The following TMED9 variants were observed in gnomAD, a reference collection of about 807,000 sequenced individuals.
TMED9 encodes transmembrane p24 trafficking protein 9.
Under a neutral mutation model 30.6 loss-of-function variants are expected in TMED9, and 22 were observed. The ratio of observed to expected loss-of-function variants is 0.72; its 90% confidence interval spans 0.51 to 1.03. The LOEUF (loss-of-function observed/expected upper bound fraction) is 1.03. TMED9 is among the 50% of genes least tolerant of loss of function. The pLI is 0.00. For missense variants in TMED9, 251 were observed against 302.1 expected (o/e 0.83, Z 1.25); for synonymous variants, 146 against 122.8 (o/e 1.19, Z -1.25).
rs1426507649 is a variant in TMED9, at chr5:177,593,706, C to T, written c.342C>T (p.Thr114=). ...GCAGGTTCACTTTCACTTCCCATAC[C>T]CCTGGTGAGCACCAGATCTGTCTTC... The part of the protein sequence containing the change: ...SEGRFTFTSH[T]PGEHQICLHS... Residue 114 remains threonine, a synonymous_variant, in exon 3 of 5, where the codon ACC becomes ACT. Coordinates refer to ENST00000332598, the MANE Select transcript of TMED9 (RefSeq NM_017510.6). 10 of 1,614,082 alleles carry T rather than the reference C, an allele frequency of 6.2e-6. No homozygotes were observed. Among genetic ancestry groups the T allele is most frequent in the East Asian group, 2.2e-5 (1 of 44,892 alleles).
rs764945863 is a variant in TMED9 at position 177,592,350 on chromosome 5, G to A, written c.136G>A (p.Glu46Lys). 6 of 1,605,486 alleles carry A rather than the reference G, an allele frequency of 3.7e-6. No homozygotes were observed. Among genetic ancestry groups the A allele is most frequent in the Admixed American group, 3.4e-5 (2 of 58,536 alleles). The stretch of plus-strand genomic sequence containing the variant: ...GCTCTACTTTCACATCGGAGAGACG[G>A]AGAAGAAGTGCTTTATTGAGGAGAT... ...SALYFHIGET[E>K]KKCFIEEIPD... is the part of the protein sequence containing the mutation. Residue 46 changes from glutamate to lysine, a missense_variant, in exon 1 of 5, where the codon GAG becomes AAG. Physicochemically the swap from Glu to Lys is moderately conservative, Grantham distance 56. Transcript: ENST00000332598.
intron 2 of TMED9, chr5:177,593,362 C>A: frequency 3.3e-6 from 1 of 298,806 alleles, no homozygotes; most frequent in Non-Finnish European, 6.2e-6. Context: ...CAAAAAACAA[C>A]TCACACCAAA....
chr5:177,592,205 G>A lies in TMED9; in HGVS notation c.-10G>A. ...CGGCCGGCTGCGGCTGCGCAGGCAG[G>A]TGGAGCAAGATGGCTGTGGAGCTGG... On this transcript the variant is annotated 5_prime_UTR_variant, in exon 1 of 5. It adds an upstream start codon to the 5' untranslated region. Transcript: ENST00000332598. The A allele has an allele frequency of 6.3e-7, 1 of 1,587,016 alleles. No homozygotes were observed. Among genetic ancestry groups the A allele is most frequent in the Non-Finnish European group, 8.6e-7 (1 of 1,169,172 alleles).
Position 177,592,262 on chromosome 5 carries a change from C to T in TMED9, c.48C>T (p.Thr16=). 6.2e-7 allele frequency: 1 copy of T among 1,611,618 alleles called. No individual in the cohort carries two copies. Among genetic ancestry groups the T allele is most frequent in the East Asian group, 2.2e-5 (1 of 44,748 alleles). Residue 16 remains threonine, a synonymous_variant, in exon 1 of 5, where the codon ACC becomes ACT. Transcript: ENST00000332598. ...GVLLVRPRPG[T]GLGRVMRTLL... ...TGCTCGTCCGGCCCCGGCCCGGAAC[C>T]GGGCTGGGTAGAGTGATGCGGACCC...
Position 177,592,289 on chromosome 5 carries a change from CCTG to C in TMED9, c.79_81del (p.Leu27del). 6.2e-7 allele frequency: 1 copy of C among 1,611,780 alleles called. No individual in the cohort carries two copies. The highest frequency in any genetic ancestry group is 8.5e-7 in the Non-Finnish European group (1 of 1,179,080). On this transcript the variant is annotated inframe_deletion, in exon 1 of 5. Transcript: ENST00000332598. ...GGCTGGGTAGAGTGATGCGGACCCT[CCTG>C]CTGGTGCTGTGGCTGGCGACGCGCG...
chr5:177,595,232 C>A, intron 4 of TMED9, 35 bp from the exon 5 acceptor site: 1 of 1,503,660 alleles, frequency 6.7e-7, no homozygotes, highest in South Asian at 1.3e-5. Flanking sequence ...CTAGCAGCCC[C>A]AGCCAACTCA....
At position 177,592,283 on chromosome 5, in the gene TMED9, GA is replaced by G; in HGVS notation, c.70del (p.Thr24ProfsTer38). ...PGTGLGRVMRTLLLVLWLATR... is the reference protein window; with the variant it reads ...PGTGLGRVMRXLLLVLWLATR... The stretch of plus-strand genomic sequence containing the variant: ...GAACCGGGCTGGGTAGAGTGATGCG[GA>G]CCCTCCTGCTGGTGCTGTGGCTGGC... On this transcript the variant is annotated frameshift_variant, in exon 1 of 5. Coordinates refer to ENST00000332598, the MANE Select transcript of TMED9 (RefSeq NM_017510.6). LOFTEE classifies it high-confidence loss of function. 6.2e-7 allele frequency: 1 copy of G among 1,611,852 alleles called. No homozygotes were observed. The highest frequency in any genetic ancestry group is 2.2e-5 in the East Asian group (1 of 44,822).
rs1049906261 is a variant in TMED9 at position 177,596,623 on chromosome 5, G to GT, written c.*1210dup. Among the ~76,000 whole-genome samples, 4 of 152,204 alleles carry GT rather than the reference G, an allele frequency of 2.6e-5. No individual in the cohort carries two copies. Among genetic ancestry groups the GT allele is most frequent in the African/African-American group, 9.7e-5 (4 of 41,432 alleles). ...ACAGCTGGAATGGAGGTGGGTGGGT[G>GT]TTTAATTTCAGCTGCAGAGGGTGTT... is the stretch of plus-strand genomic sequence containing the variant. On this transcript the variant is annotated 3_prime_UTR_variant, in exon 5 of 5. Transcript: ENST00000332598.
chr5:177,592,572 A>G lies in TMED9; in HGVS notation c.185-3A>G, dbSNP rs761024544. 40 of 1,612,274 alleles carry G rather than the reference A, an allele frequency of 2.5e-5. No individual in the cohort carries two copies. Among genetic ancestry groups the G allele is most frequent in the Non-Finnish European group, 3.1e-5 (37 of 1,179,292 alleles). ...GACCTGGGCTCGCCCTGCTTCCCTC[A>G]AGGAAACTACCGGACGCAGCTGTAT... On this transcript the variant is annotated splice_polypyrimidine_tract_variant and splice_region_variant and intron_variant, in intron 1 of 4. Transcript: ENST00000332598.
Position 177,595,265 on chromosome 5 carries a change from A to C in TMED9, c.559-2A>C. 1.3e-6 allele frequency: 2 copies of C among 1,577,926 alleles called. No individual in the cohort carries two copies. Among genetic ancestry groups the C allele is most frequent in the Non-Finnish European group, 1.7e-6 (2 of 1,155,546 alleles). On this transcript the variant is annotated splice_acceptor_variant, in intron 4 of 4. Coordinates refer to ENST00000332598, the MANE Select transcript of TMED9 (RefSeq NM_017510.6). LOFTEE classifies it high-confidence loss of function. Reference sequence around the variant, plus strand: ...TCAGGCTCACCTTATATTCCCCTGCAGTGGCGAGAGGAGCGCTTCCGGCAG... The same window carrying C: ...TCAGGCTCACCTTATATTCCCCTGCCGTGGCGAGAGGAGCGCTTCCGGCAG...
rs201495637 is a variant in TMED9 at position 177,593,677 on chromosome 5, G to C, written c.313G>C (p.Glu105Gln). 1.2e-6 allele frequency: 2 copies of C among 1,614,030 alleles called. No homozygotes were observed. Among genetic ancestry groups the C allele is most frequent in the African/African-American group, 1.3e-5 (1 of 74,900 alleles). ...KVILARQYGSEGRFTFTSHTP... is the reference protein window; with the variant it reads ...KVILARQYGSQGRFTFTSHTP... ...CATCCTGGCCCGGCAGTATGGCTCC[G>C]AGGGCAGGTTCACTTTCACTTCCCA... Residue 105 changes from glutamate (E) to glutamine (Q), a missense_variant, in exon 3 of 5, where the codon GAG (glutamate) becomes CAG (glutamine). Glu to Gln is a conservative substitution (Grantham distance 29). This residue lies in a region of TMED9 where 153 missense variants were observed against 239.6 expected (regional missense o/e 0.64). Coordinates refer to ENST00000332598, the MANE Select transcript of TMED9 (RefSeq NM_017510.6).
intron 4 of TMED9, 99 bp downstream of exon 4, chr5:177,594,384 A>T (rs527864571): frequency 7.2e-7 from 1 of 1,397,200 alleles, no homozygotes; most frequent in African/African-American, 1.4e-5. Flanking sequence ...CCCCCAAGGG[A>T]CTTACCTGCA....
chr5:177,595,182 G>A, intron 4 of TMED9, 85 bp from the exon 5 acceptor site: 1 of 1,429,070 alleles, frequency 7.0e-7, no homozygotes. Context: ...GGCAAAGCTG[G>A]CTGACCTTGG....
At chr5:177,592,477 C>CT in intron 1 of TMED9, 79 bp downstream of exon 1, 1 of 1,556,718 alleles carries the variant, frequency 6.4e-7, no homozygotes. Context: ...AGTCAGCTCT[C>CT]TAGAGCCGGG....
chr5:177,597,119 A>AG lies in TMED9; in HGVS notation c.*1703_*1704insG, dbSNP rs962085737. ...CAACTAATTCTTCCACATGAAAAAA[A>AG]AAAGTTTTTTGGCGGGCACGGTGGT... On this transcript the variant is annotated 3_prime_UTR_variant, in exon 5 of 5. Coordinates refer to ENST00000332598, the MANE Select transcript of TMED9 (RefSeq NM_017510.6). Among the ~76,000 whole-genome samples, 9 of 151,382 alleles carry AG rather than the reference A, an allele frequency of 5.9e-5. No homozygotes were observed. The highest frequency in any genetic ancestry group is 2.2e-4 in the African/African-American group (9 of 41,134).
At chr5:177,593,323 C>T (rs1767626556) in intron 2 of TMED9, 1 of 234,358 alleles carries the variant, frequency 4.3e-6, no homozygotes, top group Non-Finnish European at 8.4e-6. Context: ...GAGACTCTGT[C>T]TCAAAAACAA....
intron 2 of TMED9, 112 bp from the exon 3 acceptor site, chr5:177,593,538 G>T: frequency 7.7e-7 from 1 of 1,306,512 alleles, no homozygotes; most frequent in Non-Finnish European, 1.1e-6. Context: ...AGTGTTGTGA[G>T]GTGCGAAAGG....
intron 1 of TMED9, 70 bp downstream of exon 1, chr5:177,592,468 G>A (rs1767605532): frequency 6.4e-7 from 1 of 1,555,462 alleles, no homozygotes; most frequent in African/African-American, 1.4e-5. Context: ...ATGCGAGACA[G>A]TCAGCTCTCT....
intron 3 of TMED9, 25 bp downstream of exon 3, chr5:177,593,800 C>A: frequency 6.2e-7 from 1 of 1,613,210 alleles, no homozygotes. Flanking sequence ...GTGAGACTTG[C>A]AGGTTTCAGC....
Sources: gnomAD v4.1 joint callset for allele counts (sites outside exome capture counted in the v4.1 genomes callset) on GRCh38, gnomAD v4.1.1 for gene constraint, gnomAD v4.1.1 regional missense constraint, MANE v1.5 for transcripts, NCBI Gene and HGNC (gene_info 2026-07-23, HGNC 2026-07-21) for gene names.